The following ATP10A variants were observed in gnomAD, a reference collection of about 807,000 sequenced individuals.
ATP10A encodes the protein ATPase phospholipid transporting 10A (putative).
A neutral mutation model predicts 147.8 loss-of-function variants in ATP10A; 111 were observed. The ratio of observed to expected loss-of-function variants is 0.75; its 90% CI spans 0.64 to 0.88. ATP10A has a LOEUF of 0.88. ATP10A is among the 40% of genes least tolerant of loss of function. The pLI is 0.00. For missense variants in ATP10A, 1,927 were observed against 1,959.0 expected, an observed-to-expected ratio of 0.98 and a Z score of 0.31; for synonymous variants, 875 against 841.6, an observed-to-expected ratio of 1.04 and a Z score of -0.69.
chr15:25,855,524 A>C (rs1893472863), intron 1 of ATP10A, among the ~76,000 whole-genome samples: 1 of 144,898 alleles, frequency 6.9e-6, no homozygotes, highest in Non-Finnish European at 1.5e-5. Flanking sequence ...ACAGCTTGAA[A>C]TCTCAGTATT....
chr15:25,697,938 T>C (rs1433633043), intron 13 of ATP10A, among the ~76,000 whole-genome samples: 1 of 152,012 alleles, frequency 6.6e-6, no homozygotes, highest in Admixed American at 6.6e-5. Flanking sequence ...ATCAGACAAA[T>C]CCCAATATAA....
intron 2 of ATP10A, among the ~76,000 whole-genome samples, chr15:25,747,542 TAAA>T (rs1208647178): frequency 2.6e-5 from 4 of 151,290 alleles, no homozygotes; most frequent in Non-Finnish European, 5.9e-5. Context: ...ATAACAGAAA[TAAA>T]AAAGGGAACA....
chr15:25,829,696 G>A (rs1328405490), intron 1 of ATP10A, among the ~76,000 whole-genome samples: 1 of 152,146 alleles, frequency 6.6e-6, no homozygotes, highest in Admixed American at 6.5e-5. Flanking sequence ...CTAGGCAGGA[G>A]CCAGGAGAGA....
At chr15:25,817,599 A>T (rs1481388409) in intron 1 of ATP10A, among the ~76,000 whole-genome samples, 1 of 152,240 alleles carries the variant, frequency 6.6e-6, no homozygotes, top group African/African-American at 2.4e-5. Context: ...GCAGAAAACA[A>T]CTGCTCAAAT....
intron 1 of ATP10A, among the ~76,000 whole-genome samples, chr15:25,799,286 C>T (rs968167151): frequency 1.3e-5 from 2 of 152,262 alleles, no homozygotes; most frequent in Non-Finnish European, 2.9e-5. Flanking sequence ...CATAAAAACC[C>T]CCGTTATGTC....
intron 1 of ATP10A, among the ~76,000 whole-genome samples, chr15:25,800,532 C>T (rs1890888644): frequency 6.6e-6 from 1 of 152,196 alleles, no homozygotes; most frequent in Non-Finnish European, 1.5e-5. Flanking sequence ...TCCTTCACTC[C>T]ACGCGTGCCT....
chr15:25,716,887 T>C lies in ATP10A; in HGVS notation c.1619A>G (p.Lys540Arg). 6.2e-7 allele frequency: 1 copy of C among 1,600,794 alleles called. No homozygotes were observed. The highest frequency in any genetic ancestry group is 8.5e-7 in the Non-Finnish European group (1 of 1,173,310). Reference sequence around the variant, plus strand: ...TAGGCTCTTGTCACACTCACTCACCTTCTCCAGCAGCTTTGGGTCGGGCGT... The same window carrying C: ...TAGGCTCTTGTCACACTCACTCACCCTCTCCAGCAGCTTTGGGTCGGGCGT... ...DITPDPKLLE[K>R]VSECDKSLAV... The change falls in exon 9 of 21, where the codon AAG becomes AGG. Residue 540 changes from lysine (K) to arginine (R), a missense_variant. Physicochemically the swap from Lys to Arg is conservative, Grantham distance 26 (BLOSUM62 2). Coordinates refer to ENST00000555815, the MANE Select transcript of ATP10A (RefSeq NM_024490.4).
At chr15:25,744,014 A>C (rs1451004482) in intron 2 of ATP10A, among the ~76,000 whole-genome samples, 1 of 152,116 alleles carries the variant, frequency 6.6e-6, no homozygotes, top group Non-Finnish European at 1.5e-5. Flanking sequence ...TCGGGGGACC[A>C]CTATTCTGTC....
chr15:25,771,396 C>T (rs1889327505), intron 2 of ATP10A, among the ~76,000 whole-genome samples: 1 of 152,074 alleles, frequency 6.6e-6, no homozygotes, highest in Non-Finnish European at 1.5e-5. Flanking sequence ...ATAGTGAGAC[C>T]TTCCTATCTC....
At chr15:25,836,227 G>A (rs994098587) in intron 1 of ATP10A, among the ~76,000 whole-genome samples, 1 of 152,154 alleles carries the variant, frequency 6.6e-6, no homozygotes, top group African/African-American at 2.4e-5. Context: ...GGGATTACAG[G>A]TGTGGGCCCC....
chr15:25,851,361 AG>A (rs1412836233), intron 1 of ATP10A, among the ~76,000 whole-genome samples: 2 of 151,546 alleles, frequency 1.3e-5, no homozygotes, highest in African/African-American at 4.9e-5. Context: ...GACTTACTTT[AG>A]GTTTTTTTTT....
intron 1 of ATP10A, among the ~76,000 whole-genome samples, chr15:25,847,157 A>G (rs887680448): frequency 6.6e-6 from 1 of 152,236 alleles, no homozygotes; most frequent in Non-Finnish European, 1.5e-5. Context: ...AGAAATATTT[A>G]AACAACTTGA....
intron 13 of ATP10A, among the ~76,000 whole-genome samples, chr15:25,699,045 A>G (rs866527790): frequency 6.6e-6 from 1 of 152,230 alleles, no homozygotes; most frequent in South Asian, 2.1e-4. Flanking sequence ...ATTTAACAAA[A>G]TTCAAATAAA....
intron 17 of ATP10A, 132 bp downstream of exon 17, chr15:25,683,154 A>G: frequency 2.4e-6 from 2 of 838,566 alleles, no homozygotes; most frequent in Non-Finnish European, 3.7e-6. Context: ...ATCCTCTAGA[A>G]TGGTGAATTC....
chr15:25,712,262 C>G (rs1213155106), intron 10 of ATP10A, among the ~76,000 whole-genome samples: 1 of 152,164 alleles, frequency 6.6e-6, no homozygotes. Context: ...GACAGCAGTT[C>G]TTTTTGTGTG....
chr15:25,789,215 C>T (rs1890301744), intron 1 of ATP10A, among the ~76,000 whole-genome samples: 1 of 152,160 alleles, frequency 6.6e-6, no homozygotes, highest in African/African-American at 2.4e-5. Flanking sequence ...CCTGACTCAG[C>T]CTCCCAAAGT....
intron 1 of ATP10A, among the ~76,000 whole-genome samples, chr15:25,782,847 CAT>C (rs939737756): frequency 5.3e-5 from 8 of 152,038 alleles, no homozygotes; most frequent in Non-Finnish European, 1.2e-4. Flanking sequence ...ACCTTGGAAA[CAT>C]ACCTTGGAGA....
chr15:25,738,184 A>T (rs1214341630), intron 2 of ATP10A, among the ~76,000 whole-genome samples: 1 of 152,178 alleles, frequency 6.6e-6, no homozygotes, highest in African/African-American at 2.4e-5. Flanking sequence ...TTATCCCTCC[A>T]TCCACTCATG....
rs750046050 is a variant in ATP10A at position 25,862,763 on chromosome 15, G to T, written c.334C>A (p.Leu112Met). The T allele has an allele frequency of 6.2e-7, 1 of 1,611,556 alleles. No homozygotes were observed. The highest frequency in any genetic ancestry group is 8.5e-7 in the Non-Finnish European group (1 of 1,178,994). The change falls in exon 1 of 21, where the codon CTG (leucine) becomes ATG (methionine). Residue 112 changes from leucine to methionine, a missense_variant. By Grantham distance (15) the Leu-to-Met change is conservative. Transcript: ENST00000555815. ...AVNAFQPGLA[L>M]APVLFILAIT... ...GCCAGGATGAAGAGCACCGGCGCCA[G>T]TGCCAGGCCGGGCTGGAAGGCGTTC...
Sources: gnomAD v4.1 joint callset for allele counts (sites outside exome capture counted in the v4.1 genomes callset) on GRCh38, gnomAD v4.1.1 for gene constraint, MANE v1.5 for transcripts, NCBI Gene and HGNC (gene_info 2026-07-23, HGNC 2026-07-21) for gene names.